The following RBMS3 variants were observed in gnomAD, a reference collection of about 807,000 sequenced individuals.
RBMS3 encodes the protein RNA-binding motif, single-stranded-interacting protein 3.
Under a neutral mutation model 66.8 loss-of-function variants are expected in RBMS3, and 27 were observed. That is an observed-to-expected ratio of 0.40 (90% CI 0.30 to 0.56). RBMS3 has a LOEUF of 0.56. RBMS3 is among the 20% of genes least tolerant of loss of function. The probability of loss-of-function intolerance (pLI) is 0.40; values close to 1 mark genes in which losing one functional copy is unlikely to be tolerated. For missense variants in RBMS3, 513 were observed against 549.5 expected, an observed-to-expected ratio of 0.93 and a Z score of 0.66; for synonymous variants, 188 against 183.0, an observed-to-expected ratio of 1.03 and a Z score of -0.22.
Position 29,804,762 on chromosome 3 carries a change from A to G in RBMS3, c.637+41773A>G, listed in dbSNP as rs190794321. Among the ~76,000 whole-genome samples, 32 of 152,200 alleles carry G rather than the reference A, an allele frequency of 2.1e-4. No individual in the cohort carries two copies. The East Asian group carries it at 6.2e-3, about 29-fold the overall frequency. ...CAGTTTGTTCACATTCAGAGCATAAATGAAACCTCAATTTGCATAATGCCT... is the reference window on the plus strand; with the variant it reads ...CAGTTTGTTCACATTCAGAGCATAAGTGAAACCTCAATTTGCATAATGCCT... On this transcript the variant is annotated intron_variant, in intron 6 of 14. Coordinates refer to ENST00000383767, the MANE Select transcript of RBMS3 (RefSeq NM_001003793.3).
intron 6 of RBMS3, among the ~76,000 whole-genome samples, chr3:29,808,740 T>C (rs895871315): frequency 6.6e-6 from 1 of 151,926 alleles, no homozygotes; most frequent in Non-Finnish European, 1.5e-5. Flanking sequence ...TTATCACTTA[T>C]ACTTGTTCAA....
chr3:29,829,415 G>A (rs769519500), intron 6 of RBMS3, among the ~76,000 whole-genome samples: 2 of 152,120 alleles, frequency 1.3e-5, no homozygotes, highest in East Asian at 1.9e-4. Context: ...AAAACTCGCT[G>A]AACATACTGC....
At position 29,591,702 on chromosome 3, in the gene RBMS3, G is replaced by T. The variant is rs115406319; in HGVS notation, c.399+4497G>T. 8.2e-3 allele frequency among the ~76,000 whole-genome samples: 1,242 copies of T among 152,278 alleles called. 20 individuals are homozygous for T. Among genetic ancestry groups the T allele is most frequent in the African/African-American group, 0.029 (1,186 of 41,562 alleles). On this transcript the variant is annotated intron_variant, in intron 4 of 14. Transcript: ENST00000383767. ...ATTAAACAGTCATGAATTATTACCA[G>T]CCAGTCCTTGAGTAATCTCAGGCTT...
intron 4 of RBMS3, among the ~76,000 whole-genome samples, chr3:29,655,629 G>A (rs2050298296): frequency 6.6e-6 from 1 of 152,054 alleles, no homozygotes; most frequent in Non-Finnish European, 1.5e-5. Flanking sequence ...ATTGTGTATG[G>A]TACATAATGC....
intron 2 of RBMS3, among the ~76,000 whole-genome samples, chr3:29,461,781 T>A (rs1394763879): frequency 1.3e-5 from 2 of 151,572 alleles, no homozygotes; most frequent in African/African-American, 4.9e-5. Flanking sequence ...TGAAACGGAG[T>A]CTCACTCTGT....
intron 2 of RBMS3, among the ~76,000 whole-genome samples, chr3:29,463,320 A>C (rs754004483): frequency 2.6e-5 from 4 of 152,216 alleles, no homozygotes; most frequent in Admixed American, 6.5e-5. Context: ...TTTGCATTTC[A>C]CAGCCCTACC....
intron 2 of RBMS3, among the ~76,000 whole-genome samples, chr3:29,478,442 C>T (rs879825518): frequency 1.1e-4 from 17 of 152,130 alleles, no homozygotes; most frequent in Admixed American, 3.9e-4. Flanking sequence ...CGTAAGGGGA[C>T]TAATCACATT....
chr3:29,528,230 A>G (rs928241288), intron 3 of RBMS3, among the ~76,000 whole-genome samples: 4 of 150,376 alleles, frequency 2.7e-5, no homozygotes, highest in Non-Finnish European at 5.9e-5. Context: ...CTCCTTCCTC[A>G]GCCTCTCAAA....
At chr3:29,670,350 C>T (rs569669097) in intron 4 of RBMS3, among the ~76,000 whole-genome samples, 102 of 152,270 alleles carry the variant, frequency 6.7e-4, no homozygotes, top group South Asian at 2.3e-3. Flanking sequence ...ACGCAGAAGA[C>T]GGATGATTTC....
chr3:29,957,870 T>C (rs1696150851), intron 12 of RBMS3, among the ~76,000 whole-genome samples: 1 of 152,180 alleles, frequency 6.6e-6, no homozygotes, highest in African/African-American at 2.4e-5. Flanking sequence ...TTATTTTTAT[T>C]TTTTTAAATA....
rs537255067 is a variant in RBMS3 at position 29,315,817 on chromosome 3, A to G, written c.75+34061A>G. ...ATTGTAGAGTCGAAAGGACACTTAAATTTTTATAGATCAGGCTAAATGCAT... is the reference window on the plus strand; with the variant it reads ...ATTGTAGAGTCGAAAGGACACTTAAGTTTTTATAGATCAGGCTAAATGCAT... On this transcript the variant is annotated intron_variant, in intron 1 of 14. Transcript: ENST00000383767. Among the ~76,000 whole-genome samples, 177 of 151,836 alleles carry G rather than the reference A, an allele frequency of 1.2e-3. 1 individual carries two copies. The Middle Eastern group carries it at 0.02, about 18-fold the overall frequency.
intron 6 of RBMS3, among the ~76,000 whole-genome samples, chr3:29,798,256 AAAGGGAAGGG>A (rs1243557825): frequency 7.8e-5 from 8 of 102,070 alleles, no homozygotes; most frequent in African/African-American, 1.8e-4. Flanking sequence ...GGACAGAAGA[AAAGGGAAGGG>A]AAGGGAAGGG....
At chr3:29,763,024 C>T (rs752066051) in intron 6 of RBMS3, 35 bp downstream of exon 6, 65 of 1,398,790 alleles carry the variant, frequency 4.6e-5, no homozygotes, top group African/African-American at 1.7e-4. Context: ...TGAATGATGC[C>T]GAGGCTTAAA....
At chr3:29,769,308 C>T (rs902781025) in intron 6 of RBMS3, among the ~76,000 whole-genome samples, 3 of 151,736 alleles carry the variant, frequency 2.0e-5, no homozygotes, top group East Asian at 3.9e-4. Flanking sequence ...AGCCATAAAG[C>T]CAGTAAAGTG....
chr3:29,295,873 T>C (rs1231670659), intron 1 of RBMS3, among the ~76,000 whole-genome samples: 1 of 151,786 alleles, frequency 6.6e-6, no homozygotes, highest in African/African-American at 2.4e-5. Flanking sequence ...TAATTAAGTT[T>C]GCTTCCTTTA....
chr3:29,282,526 C>A (rs756148073), intron 1 of RBMS3, among the ~76,000 whole-genome samples: 1 of 152,042 alleles, frequency 6.6e-6, no homozygotes, highest in African/African-American at 2.4e-5. Context: ...GGCAAGCCCA[C>A]GTAAGTAAGC....
chr3:29,692,031 C>T (rs1465913873), intron 4 of RBMS3, among the ~76,000 whole-genome samples: 1 of 146,008 alleles, frequency 6.8e-6, no homozygotes, highest in Non-Finnish European at 1.5e-5. Context: ...CTCACTGCAA[C>T]CTCTGCCTCC....
chr3:29,468,991 T>C (rs888559142), intron 2 of RBMS3, among the ~76,000 whole-genome samples: 2 of 152,064 alleles, frequency 1.3e-5, no homozygotes, highest in Admixed American at 1.3e-4. Flanking sequence ...TATAGAGAAA[T>C]GGTGGGACAT....
chr3:29,674,445 C>G (rs11514590), intron 4 of RBMS3, among the ~76,000 whole-genome samples: 17,297 of 151,804 alleles, frequency 0.11, 2,140 homozygotes, highest in African/African-American at 0.3. Flanking sequence ...ATTCAGTTAG[C>G]GAAAGAGGAA....
Sources: gnomAD v4.1 joint callset for allele counts (sites outside exome capture counted in the v4.1 genomes callset) on GRCh38, gnomAD v4.1.1 for gene constraint, MANE v1.5 for transcripts, NCBI Gene and HGNC (gene_info 2026-07-23, HGNC 2026-07-21) for gene names.